The following ATG10 variants were observed in gnomAD, a reference collection of about 807,000 sequenced individuals.
ATG10 encodes autophagy related 10, also known as ubiquitin-like-conjugating enzyme ATG10.
In ATG10, 30 loss-of-function variants were observed where a neutral mutation model predicts 32.1. The ratio of observed to expected loss-of-function variants is 0.94; its 90% CI spans 0.70 to 1.27. The LOEUF is 1.27. Among genes scored for constraint, ATG10 ranks in the 50% most tolerant of loss-of-function variants. The pLI, the probability that ATG10 is intolerant of heterozygous loss-of-function variation, is 0.00. For synonymous variants in ATG10, 87 were observed against 91.5 expected (o/e 0.95, Z 0.28); for missense variants, 233 against 262.3 (o/e 0.89, Z 0.77).
intron 2 of ATG10, among the ~76,000 whole-genome samples, chr5:82,018,748 C>T (rs1308393346): frequency 2.0e-5 from 3 of 152,132 alleles, no homozygotes; most frequent in African/African-American, 4.8e-5. Flanking sequence ...GCTCACATGC[C>T]ACCTCCTTAA....
intron 1 of ATG10, chr5:81,976,234 C>A (rs1581555552): frequency 6.6e-6 from 1 of 151,644 alleles, no homozygotes; most frequent in East Asian, 1.9e-4. Context: ...TGGTCTCGAT[C>A]TCCTGACCTC....
intron 5 of ATG10, among the ~76,000 whole-genome samples, chr5:82,194,084 G>T (rs1744763428): frequency 2.0e-5 from 3 of 152,300 alleles, no homozygotes; most frequent in South Asian, 4.1e-4. Flanking sequence ...CCTGTCTCAA[G>T]AAATTATTGT....
intron 5 of ATG10, among the ~76,000 whole-genome samples, chr5:82,226,603 T>TA (rs1299668247): frequency 6.6e-6 from 1 of 152,220 alleles, no homozygotes; most frequent in Non-Finnish European, 1.5e-5. Context: ...ATAACTTGTA[T>TA]CATCCTAATA....
At chr5:82,229,036 A>G (rs1746244670) in intron 5 of ATG10, among the ~76,000 whole-genome samples, 2 of 152,180 alleles carry the variant, frequency 1.3e-5, no homozygotes, top group Admixed American at 6.5e-5. Flanking sequence ...TTTCACAGAG[A>G]AGGTCAGTGT....
intron 5 of ATG10, among the ~76,000 whole-genome samples, chr5:82,222,856 G>A (rs2064529838): frequency 1.3e-5 from 2 of 152,184 alleles, no homozygotes; most frequent in African/African-American, 4.8e-5. Flanking sequence ...GTTCTTTCAG[G>A]TTTCAAAGAA....
chr5:82,220,045 T>C (rs1745853590), intron 5 of ATG10, among the ~76,000 whole-genome samples: 2 of 152,050 alleles, frequency 1.3e-5, no homozygotes, highest in African/African-American at 4.8e-5. Context: ...ACAAGTGCAG[T>C]TTTTCTGCCT....
chr5:82,190,774 A>G (rs970942501), intron 5 of ATG10, among the ~76,000 whole-genome samples: 27 of 13,726 alleles, frequency 2.0e-3, no homozygotes, highest in Admixed American at 1.7e-3. Context: ...ACTCCATCTC[A>G]AAAAAAAAAA....
intron 3 of ATG10, among the ~76,000 whole-genome samples, chr5:82,077,941 C>T (rs1764332858): frequency 1.3e-5 from 2 of 152,174 alleles, no homozygotes; most frequent in African/African-American, 4.8e-5. Context: ...GATGAAATCA[C>T]TCTCGTTTGA....
intron 5 of ATG10, among the ~76,000 whole-genome samples, chr5:82,180,751 A>G (rs1305559856): frequency 1.3e-5 from 2 of 152,166 alleles, no homozygotes; most frequent in African/African-American, 2.4e-5. Flanking sequence ...TCTCAATTCC[A>G]TTATACTCTT....
intron 2 of ATG10, among the ~76,000 whole-genome samples, chr5:82,052,384 C>T (rs1252548051): frequency 6.6e-6 from 1 of 152,104 alleles, no homozygotes; most frequent in Non-Finnish European, 1.5e-5. Context: ...AGATCTCCAT[C>T]CAAAATGCAA....
chr5:82,149,699 A>C (rs1399092786), intron 3 of ATG10, among the ~76,000 whole-genome samples: 1 of 151,992 alleles, frequency 6.6e-6, no homozygotes, highest in Non-Finnish European at 1.5e-5. Context: ...ATGATTTAAA[A>C]ATTTTTAGCT....
chr5:82,229,043 G>C (rs908653424), intron 5 of ATG10, among the ~76,000 whole-genome samples: 2 of 152,316 alleles, frequency 1.3e-5, no homozygotes, highest in East Asian at 3.9e-4. Flanking sequence ...GAGAAGGTCA[G>C]TGTATAAAAA....
chr5:82,059,407 C>T (rs72776844), intron 3 of ATG10, among the ~76,000 whole-genome samples: 3,223 of 102,176 alleles, frequency 0.032, 39 homozygotes, highest in Non-Finnish European at 0.046. Context: ...CACACACACA[C>T]TTTTTTTTTT....
chr5:82,054,567 A>C (rs977653038), intron 2 of ATG10, among the ~76,000 whole-genome samples: 1 of 152,222 alleles, frequency 6.6e-6, no homozygotes, highest in Admixed American at 6.5e-5. Context: ...AGGTCAAGAG[A>C]TCCGCTTTCC....
At chr5:82,077,562 G>C (rs1206519129) in intron 3 of ATG10, among the ~76,000 whole-genome samples, 1 of 151,484 alleles carries the variant, frequency 6.6e-6, no homozygotes, top group African/African-American at 2.4e-5. Flanking sequence ...GCTGAGCTCA[G>C]ATTAAAAAAT....
rs1017071008 is a variant in ATG10, at chr5:82,169,318, T to TG, written c.355+4783dup. Among the ~76,000 whole-genome samples the TG allele has an allele frequency of 2.7e-5, 4 of 148,944 alleles. No homozygotes were observed. In the East Asian group the frequency reaches 7.8e-4, roughly 29 times the overall value. On this transcript the variant is annotated intron_variant, in intron 4 of 7. Coordinates refer to ENST00000282185, the MANE Select transcript of ATG10 (RefSeq NM_031482.5). Reference sequence around the variant, plus strand: ...GGAATTGAAGGGTGAGAGTGAAATTTGGAAAAAAAAAAAAAAGGATTTGGC... The same window carrying TG: ...GGAATTGAAGGGTGAGAGTGAAATTTGGGAAAAAAAAAAAAAAGGATTTGGC...
chr5:82,113,474 C>T (rs1765680146), intron 3 of ATG10, among the ~76,000 whole-genome samples: 1 of 151,820 alleles, frequency 6.6e-6, no homozygotes, highest in South Asian at 2.1e-4. Context: ...AAATTATCTG[C>T]CATAACTATT....
At chr5:82,109,505 T>C (rs1231236494) in intron 3 of ATG10, among the ~76,000 whole-genome samples, 6 of 152,014 alleles carry the variant, frequency 3.9e-5, no homozygotes, top group Non-Finnish European at 7.4e-5. Flanking sequence ...ATCAAACTTA[T>C]TTTTTAGTTT....
At chr5:82,200,987 C>T (rs1323305950) in intron 5 of ATG10, among the ~76,000 whole-genome samples, 2 of 151,820 alleles carry the variant, frequency 1.3e-5, no homozygotes, top group Admixed American at 1.3e-4. Flanking sequence ...CGGGCTCAAG[C>T]AATTCTCCTG....
Sources: allele counts gnomAD v4.1 joint callset (sites outside exome capture counted in the v4.1 genomes callset), GRCh38; gene constraint gnomAD v4.1.1; transcripts MANE v1.5; gene names NCBI Gene and HGNC (gene_info 2026-07-23, HGNC 2026-07-21).